Variants in TMEM117 observed in about 807,000 individuals in gnomAD.
TMEM117 encodes the protein transmembrane protein 117.
TMEM117 carries 27 observed loss-of-function variants against 52.4 expected under a neutral mutation model. The observed-to-expected ratio is 0.51, with a 90% CI of 0.38 to 0.71. The LOEUF (loss-of-function observed/expected upper bound fraction) is 0.71. TMEM117 is among the 30% of genes least tolerant of loss of function. The pLI is 0.00. For missense variants in TMEM117, 556 were observed against 630.5 expected (o/e 0.88, Z 1.26); for synonymous variants, 215 against 206.3 (o/e 1.04, Z -0.36).
intron 6 of TMEM117, among the ~76,000 whole-genome samples, chr12:44,366,875 T>C (rs920249939): frequency 1.3e-5 from 2 of 152,108 alleles, no homozygotes; most frequent in Non-Finnish European, 2.9e-5. Context: ...AGAACAGCCA[T>C]CTTGACTTCA....
At chr12:44,340,257 T>C (rs1951399462) in intron 6 of TMEM117, among the ~76,000 whole-genome samples, 3 of 151,924 alleles carry the variant, frequency 2.0e-5, no homozygotes, top group South Asian at 4.2e-4. Context: ...TGCATGAAGG[T>C]AAAAAGTGAG....
chr12:44,275,057 G>A (rs997804186), intron 5 of TMEM117, among the ~76,000 whole-genome samples: 2 of 152,022 alleles, frequency 1.3e-5, no homozygotes, highest in Non-Finnish European at 1.5e-5. Context: ...CCCATCTGAC[G>A]ATGAATGACT....
intron 5 of TMEM117, among the ~76,000 whole-genome samples, chr12:44,249,910 A>G (rs1237815466): frequency 6.6e-6 from 1 of 152,238 alleles, no homozygotes; most frequent in African/African-American, 2.4e-5. Flanking sequence ...CCTAGGCAAT[A>G]CGATTCAGGA....
At chr12:44,350,760 A>G (rs1251756314) in intron 6 of TMEM117, among the ~76,000 whole-genome samples, 5 of 151,998 alleles carry the variant, frequency 3.3e-5, no homozygotes, top group Admixed American at 3.3e-4. Flanking sequence ...TCATCCATTC[A>G]TCTGCTAATG....
At position 44,298,662 on chromosome 12, in the gene TMEM117, G is replaced by T. The variant is rs573050209; in HGVS notation, c.609-918G>T. Among the ~76,000 whole-genome samples the T allele has an allele frequency of 4.3e-4, 65 of 150,754 alleles. 2 individuals are homozygous for T. The highest frequency in any genetic ancestry group is 6.8e-3 in the Middle Eastern group (2 of 294). ...TGTATACTTATGCAAGATTTTATGG[G>T]GGCTACAAAGATAGATAAGAGAAAA... On this transcript the variant is annotated intron_variant, in intron 5 of 7. Coordinates refer to ENST00000266534, the MANE Select transcript of TMEM117 (RefSeq NM_032256.3).
chr12:44,395,373 T>A, the TMEM117 span, among the ~76,000 whole-genome samples: 2 of 152,192 alleles, frequency 1.3e-5, no homozygotes, highest in Admixed American at 1.3e-4. Flanking sequence ...TGCTGCAATC[T>A]CATATTCTAT....
At chr12:43,931,055 T>C (rs752885656) in intron 2 of TMEM117, among the ~76,000 whole-genome samples, 2 of 152,198 alleles carry the variant, frequency 1.3e-5, no homozygotes, top group Non-Finnish European at 2.9e-5. Context: ...ACCACAGGGA[T>C]GTGAGAACCC....
chr12:44,311,721 ATATATG>A (rs1266518116), intron 6 of TMEM117, among the ~76,000 whole-genome samples: 3 of 142,342 alleles, frequency 2.1e-5, no homozygotes, highest in African/African-American at 8.2e-5. Flanking sequence ...TATTAAATAT[ATATATG>A]TATATATATA....
intron 6 of TMEM117, among the ~76,000 whole-genome samples, chr12:44,350,502 T>C (rs1044413167): frequency 2.0e-5 from 3 of 152,010 alleles, no homozygotes; most frequent in African/African-American, 7.2e-5. Context: ...TTTCTAACTA[T>C]TTTTTGTTGT....
chr12:44,229,369 T>G (rs1347022156), intron 5 of TMEM117, among the ~76,000 whole-genome samples: 1 of 152,130 alleles, frequency 6.6e-6, no homozygotes, highest in African/African-American at 2.4e-5. Context: ...GAGATATTAA[T>G]GAAGTGTCCT....
At chr12:44,004,151 T>C (rs1946158096) in intron 3 of TMEM117, among the ~76,000 whole-genome samples, 1 of 152,222 alleles carries the variant, frequency 6.6e-6, no homozygotes, top group African/African-American at 2.4e-5. Flanking sequence ...TAGAACCATG[T>C]TTCCTGCTCT....
At chr12:43,800,470 C>T in the TMEM117 span, 1 of 1,613,522 alleles carries the variant, frequency 6.2e-7, no homozygotes, top group Admixed American at 1.7e-5. Context: ...TTAATGTGGC[C>T]ACCTCCAAAT....
chr12:44,375,355 G>A (rs978175397), intron 6 of TMEM117, among the ~76,000 whole-genome samples: 4 of 152,134 alleles, frequency 2.6e-5, no homozygotes, highest in South Asian at 2.1e-4. Flanking sequence ...ATGTTGCATC[G>A]TTCTGTTTTA....
intron 2 of TMEM117, among the ~76,000 whole-genome samples, chr12:43,928,798 T>G (rs1944824661): frequency 6.9e-6 from 1 of 143,936 alleles, no homozygotes; most frequent in Admixed American, 7.4e-5. Flanking sequence ...CCTGTGTCCA[T>G]GTGTTCTCAT....
At chr12:44,198,731 G>A (rs1322363154) in intron 4 of TMEM117, among the ~76,000 whole-genome samples, 1 of 152,162 alleles carries the variant, frequency 6.6e-6, no homozygotes, top group Admixed American at 6.5e-5. Context: ...TTTTTATGGT[G>A]TACTTGGAGT....
At chr12:44,270,844 G>T (rs986486322) in intron 5 of TMEM117, among the ~76,000 whole-genome samples, 3 of 151,548 alleles carry the variant, frequency 2.0e-5, no homozygotes, top group African/African-American at 7.3e-5. Flanking sequence ...GGATTTTCTC[G>T]GATGCTTTTT....
chr12:43,935,298 T>A (rs886772186), intron 2 of TMEM117, among the ~76,000 whole-genome samples: 4 of 152,204 alleles, frequency 2.6e-5, no homozygotes, highest in African/African-American at 9.7e-5. Flanking sequence ...CACAAGCTTG[T>A]GATGAATTCT....
intron 4 of TMEM117, among the ~76,000 whole-genome samples, chr12:44,192,383 C>T (rs1333312076): frequency 1.3e-5 from 2 of 152,104 alleles, no homozygotes; most frequent in African/African-American, 2.4e-5. Context: ...CTAGTATAAG[C>T]GAAGGGAGAA....
At chr12:44,158,229 C>T (rs1948852821) in intron 4 of TMEM117, among the ~76,000 whole-genome samples, 1 of 152,140 alleles carries the variant, frequency 6.6e-6, no homozygotes. Context: ...TATGTTTCCA[C>T]AACATTTCAT....
Sources: allele counts gnomAD v4.1 joint callset (sites outside exome capture counted in the v4.1 genomes callset), GRCh38; gene constraint gnomAD v4.1.1; transcripts MANE v1.5; gene names NCBI Gene and HGNC (gene_info 2026-07-23, HGNC 2026-07-21).